SYBU: variants seen among roughly 807,000 people sequenced by gnomAD.
SYBU encodes the protein syntabulin, also known as GOLSYN A protein.
SYBU carries 21 observed loss-of-function variants against 35.9 expected under a neutral mutation model. The observed-to-expected ratio is 0.58, with a 90% CI of 0.41 to 0.84. The LOEUF (loss-of-function observed/expected upper bound fraction) is 0.84. SYBU is among the 40% of genes least tolerant of loss of function. SYBU has a pLI of 0.00. For missense variants in SYBU, 768 were observed against 848.2 expected (o/e 0.91, Z 1.17); for synonymous variants, 319 against 324.3 (o/e 0.98, Z 0.18).
chr8:109,666,615 C>T lies in SYBU; in HGVS notation c.-129+14096G>A, dbSNP rs189706062. 2.7e-3 allele frequency among the ~76,000 whole-genome samples: 405 copies of T among 152,166 alleles called. 1 individual carries two copies. The highest frequency in any genetic ancestry group is 8.6e-3 in the African/African-American group (358 of 41,510). The stretch of plus-strand genomic sequence containing the variant: ...AATTAGCCAGGCATGGTGATGCATG[C>T]CTGTAATCCTTGCTATTTGGGAGAC... On this transcript the variant is annotated intron_variant, in intron 1 of 5. Coordinates refer to the SYBU transcript ENST00000408889.
intron 2 of SYBU, among the ~76,000 whole-genome samples, chr8:109,622,922 C>T (rs2130421732): frequency 6.6e-6 from 1 of 152,238 alleles, no homozygotes; most frequent in East Asian, 1.9e-4. Context: ...ACATTTTAGT[C>T]TGGTTTTGCC....
chr8:109,586,423 C>G, intron 3 of SYBU: 2 of 443,996 alleles, frequency 4.5e-6, no homozygotes, highest in East Asian at 7.8e-5. Flanking sequence ...CAGACACTGT[C>G]AACAGTGACC....
chr8:109,660,356 G>T lies in SYBU; in HGVS notation c.-129+20355C>A, dbSNP rs140797117. ...TACATATTGGAGAGTTAAAACTTTT[G>T]AACTGTGTATTTACGTTAGTATTGT... On this transcript the variant is annotated intron_variant, in intron 1 of 5. Transcript: ENST00000408889. Among the ~76,000 whole-genome samples the T allele has an allele frequency of 3.4e-4, 51 of 152,156 alleles. No individual in the cohort carries two copies. The East Asian group carries it at 9.1e-3, about 27-fold the overall frequency.
At chr8:109,626,022 C>T (rs1395546004) in intron 2 of SYBU, among the ~76,000 whole-genome samples, 1 of 152,120 alleles carries the variant, frequency 6.6e-6, no homozygotes, top group East Asian at 1.9e-4. Flanking sequence ...TCTTAATTTA[C>T]ATGTATTTAA....
At chr8:109,609,363 T>G (rs1810924318) in intron 3 of SYBU, among the ~76,000 whole-genome samples, 2 of 152,248 alleles carry the variant, frequency 1.3e-5, no homozygotes. Flanking sequence ...AAACAGATTT[T>G]GTAATTATTC....
intron 1 of SYBU, chr8:109,643,166 C>G (rs1362747001): frequency 8.1e-7 from 1 of 1,232,132 alleles, no homozygotes; most frequent in African/African-American, 1.6e-5. Context: ...CACACACACA[C>G]ACACACATAT....
At position 109,575,617 on chromosome 8, in the gene SYBU, C is replaced by T. The variant is rs776007436; in HGVS notation, c.1281G>A (p.Arg427=). The T allele has an allele frequency of 6.2e-7, 1 of 1,613,966 alleles. No individual in the cohort carries two copies. Among genetic ancestry groups the T allele is most frequent in the African/African-American group, 1.3e-5 (1 of 74,880 alleles). The part of the protein sequence containing the change: ...EEQVTGEGAD[R]ELLVGDSIAN... ...CTATGCTATCTCCTACCAGTAGCTC[C>T]CTGTCAGCCCCTTCCCCCGTGACCT... Residue 427 remains arginine, a synonymous_variant, in exon 7 of 7, where the codon AGG becomes AGA. Transcript: ENST00000276646.
At chr8:109,617,051 C>T (rs1287183355) in intron 3 of SYBU, among the ~76,000 whole-genome samples, 2 of 151,882 alleles carry the variant, frequency 1.3e-5, no homozygotes, top group Non-Finnish European at 2.9e-5. Flanking sequence ...CTGGAGAATC[C>T]ATTGAACCTT....
At chr8:109,644,094 A>C (rs927122461) in intron 1 of SYBU, 1 of 456,934 alleles carries the variant, frequency 2.2e-6, no homozygotes, top group Non-Finnish European at 4.4e-6. Context: ...GGAGGCCGGC[A>C]CATGGCATAA....
Position 109,658,470 on chromosome 8 carries a change from T to C in SYBU, c.-129+22241A>G, listed in dbSNP as rs1266146891. Among the ~76,000 whole-genome samples the C allele has an allele frequency of 2.0e-5, 3 of 152,304 alleles. No homozygotes were observed. The East Asian group carries it at 5.8e-4, about 29-fold the overall frequency. The stretch of plus-strand genomic sequence containing the variant: ...GTGGCAAAAATGTAAACAAAGCCAG[T>C]GTTTTAAATGTGTTCATAGTTGGTA... On this transcript the variant is annotated intron_variant, in intron 1 of 5. Transcript: ENST00000408889.
In SYBU at chr8:109,619,028, A is replaced by G. The variant is rs1812137053; in HGVS notation, c.241T>C (p.Cys81Arg). 6.2e-7 allele frequency: 1 copy of G among 1,613,778 alleles called. No homozygotes were observed. The highest frequency in any genetic ancestry group is 8.5e-7 in the Non-Finnish European group (1 of 1,179,732). The change falls in exon 3 of 7, where the codon TGT becomes CGT. Residue 81 changes from cysteine to arginine, a missense_variant. Transcript: ENST00000276646. Reference sequence around the variant, plus strand: ...GGAGACACTGACTGGCTGCTAGGACAGCCTGTGTCATCTAGAAGACAGGAA... The same window carrying G: ...GGAGACACTGACTGGCTGCTAGGACGGCCTGTGTCATCTAGAAGACAGGAA... The part of the protein sequence containing the change: ...SNSFCSDDTG[C>R]PSSQSVSPVK...
At chr8:109,645,541 A>G, upstream of SYBU, 1 of 325,678 alleles carries the variant, frequency 3.1e-6, no homozygotes, top group South Asian at 2.5e-5. Context: ...CTGGAATTGA[A>G]CTCAGAAAAA....
intron 3 of SYBU, among the ~76,000 whole-genome samples, chr8:109,604,254 A>G (rs1825840597): frequency 6.6e-6 from 1 of 152,250 alleles, no homozygotes; most frequent in South Asian, 2.1e-4. Context: ...ATTTAAGTTA[A>G]CAACGATTGC....
intron 3 of SYBU, among the ~76,000 whole-genome samples, chr8:109,616,002 C>CT (rs1811725305): frequency 4.0e-5 from 4 of 99,286 alleles, no homozygotes; most frequent in African/African-American, 4.5e-5. Context: ...CTTTTCTTTT[C>CT]TTTCTTTTTT....
chr8:109,690,807 C>T (rs1189201481), intron 1 of SYBU, among the ~76,000 whole-genome samples: 2 of 152,152 alleles, frequency 1.3e-5, no homozygotes, highest in South Asian at 2.1e-4. Context: ...ATGGCTCATC[C>T]TTTCTCACCT....
rs140751107 is a variant in SYBU, at chr8:109,575,350, C to T, written c.1548G>A (p.Ser516=). 75 of 1,614,114 alleles carry T rather than the reference C, an allele frequency of 4.6e-5. No homozygotes were observed. The African/African-American group carries it at 8.8e-4, about 19-fold the overall frequency. The change falls in exon 7 of 7, where the codon TCG becomes TCA. Residue 516 remains serine (S), a synonymous_variant. Transcript: ENST00000276646. ...VLQKLQDPCP[S]SLASPDESEP... ...CAGACTCATCAGGGGACGCCAAGCT[C>T]GAGGGACAGGGGTCCTGGAGCTTCT...
intron 3 of SYBU, among the ~76,000 whole-genome samples, chr8:109,604,814 G>T (rs1452818510): frequency 1.3e-5 from 2 of 152,156 alleles, no homozygotes; most frequent in Admixed American, 6.5e-5. Context: ...TGGATGTCAG[G>T]CAGTAACCCA....
intron 3 of SYBU, among the ~76,000 whole-genome samples, chr8:109,616,656 G>A (rs867518294): frequency 6.6e-6 from 1 of 150,734 alleles, no homozygotes; most frequent in Non-Finnish European, 1.5e-5. Flanking sequence ...ATCATTACAG[G>A]TTATGTTAAA....
At chr8:109,598,850 A>G (rs1378358489) in intron 3 of SYBU, among the ~76,000 whole-genome samples, 12 of 152,234 alleles carry the variant, frequency 7.9e-5, no homozygotes, top group Non-Finnish European at 2.9e-5. Flanking sequence ...GAATCTTCAT[A>G]TCAAGCATAT....
Sources: allele counts gnomAD v4.1 joint callset (sites outside exome capture counted in the v4.1 genomes callset), GRCh38; gene constraint gnomAD v4.1.1; transcripts MANE v1.5; gene names NCBI Gene and HGNC (gene_info 2026-07-23, HGNC 2026-07-21).